Variants in DNM3 observed in about 807,000 individuals in gnomAD.
DNM3 encodes dynamin-3.
DNM3 carries 47 observed loss-of-function variants against 101.6 expected under a neutral mutation model. That is an observed-to-expected ratio of 0.46 (90% CI 0.37 to 0.59). The LOEUF (loss-of-function observed/expected upper bound fraction) is 0.59. Among genes scored for constraint, DNM3 ranks in the 20% least tolerant of loss-of-function variants. The pLI, the probability that DNM3 is intolerant of heterozygous loss-of-function variation, is 0.00. For synonymous variants in DNM3, 385 were observed against 387.9 expected (o/e 0.99, Z 0.09); for missense variants, 849 against 1,085.7 (o/e 0.78, Z 3.06).
rs2069333458 is a variant in DNM3 at position 172,388,569 on chromosome 1, T to C, written c.2286-4T>C. ...AGCAAACTATGATTTCTCTTTTTCC[T>C]CAGGTCACCTCCTCCAAGCCCCACA... On this transcript the variant is annotated splice_polypyrimidine_tract_variant and splice_region_variant and intron_variant, in intron 19 of 20. Coordinates refer to ENST00000627582, the MANE Select transcript of DNM3 (RefSeq NM_015569.5). 6.2e-7 allele frequency: 1 copy of C among 1,612,288 alleles called. No homozygotes were observed. The highest frequency in any genetic ancestry group is 8.5e-7 in the Non-Finnish European group (1 of 1,178,468).
chr1:171,909,437 T>TA lies in DNM3; in HGVS notation c.162-12293dup, dbSNP rs10554706. 2.0e-3 allele frequency among the ~76,000 whole-genome samples: 258 copies of TA among 130,934 alleles called. 1 individual carries two copies. Among genetic ancestry groups the TA allele is most frequent in the East Asian group, 3.0e-3 (14 of 4,744 alleles). 85.9% of individuals were successfully genotyped at this position (130,934 alleles called of 152,430 possible). ...TGGGCAACAGAGTGAGACTCTGTCT[T>TA]AAAAAAAAAAAAAAAAAAGTCAGAG... On this transcript the variant is annotated intron_variant, in intron 1 of 20. Coordinates refer to ENST00000627582, the MANE Select transcript of DNM3 (RefSeq NM_015569.5).
intron 1 of DNM3, among the ~76,000 whole-genome samples, chr1:171,908,609 T>C (rs767668049): frequency 1.3e-5 from 2 of 152,180 alleles, no homozygotes; most frequent in Non-Finnish European, 2.9e-5. Context: ...TGAAGAATAA[T>C]ATTCAATAAT....
intron 11 of DNM3, among the ~76,000 whole-genome samples, chr1:172,078,111 T>G (rs898470397): frequency 2.4e-4 from 36 of 152,136 alleles, no homozygotes; most frequent in African/African-American, 7.5e-4. Flanking sequence ...ATTGTTTTTT[T>G]AGATGGAGTC....
Position 172,232,639 on chromosome 1 carries a change from T to C in DNM3, c.1660-20934T>C, listed in dbSNP as rs149275061. ...CCAAAATCGACCACATAGTTGGAAATAAAGCACTTCTCAGCAAATGTAAAA... is the reference window on the plus strand; with the variant it reads ...CCAAAATCGACCACATAGTTGGAAACAAAGCACTTCTCAGCAAATGTAAAA... On this transcript the variant is annotated intron_variant, in intron 14 of 20. Transcript: ENST00000627582. Among the ~76,000 whole-genome samples, 811 of 152,274 alleles carry C rather than the reference T, an allele frequency of 5.3e-3. 9 individuals are homozygous for C. Among genetic ancestry groups the C allele is most frequent in the African/African-American group, 0.018 (761 of 41,536 alleles).
intron 14 of DNM3, among the ~76,000 whole-genome samples, chr1:172,208,475 A>G (rs2060399382): frequency 6.6e-6 from 1 of 152,052 alleles, no homozygotes; most frequent in African/African-American, 2.4e-5. Flanking sequence ...GGGTTTATCA[A>G]TCAGTTGAAG....
chr1:171,885,586 C>G (rs909369282), intron 1 of DNM3, among the ~76,000 whole-genome samples: 2 of 151,980 alleles, frequency 1.3e-5, no homozygotes, highest in Non-Finnish European at 2.9e-5. Flanking sequence ...TTTTAGAGGG[C>G]CTTGCTGTTT....
At chr1:172,067,159 C>T (rs1443638422) in intron 10 of DNM3, among the ~76,000 whole-genome samples, 2 of 152,088 alleles carry the variant, frequency 1.3e-5, no homozygotes, top group African/African-American at 4.8e-5. Context: ...CTTTTCTTTG[C>T]ATTAGATCAC....
chr1:172,089,753 T>A (rs780211369), intron 12 of DNM3, among the ~76,000 whole-genome samples: 6 of 152,224 alleles, frequency 3.9e-5, no homozygotes, highest in Non-Finnish European at 8.8e-5. Flanking sequence ...AAGTGGTAGA[T>A]CCTAAATATG....
At chr1:172,234,267 C>A (rs1211406915) in intron 14 of DNM3, among the ~76,000 whole-genome samples, 5 of 152,114 alleles carry the variant, frequency 3.3e-5, no homozygotes, top group African/African-American at 7.2e-5. Flanking sequence ...AGCCAAATCA[C>A]GAGTGAACTC....
At chr1:172,098,210 A>T (rs891345159) in intron 13 of DNM3, among the ~76,000 whole-genome samples, 2 of 152,138 alleles carry the variant, frequency 1.3e-5, no homozygotes, top group African/African-American at 4.8e-5. Flanking sequence ...TTTCATCTCT[A>T]CAGCTTCGAC....
chr1:171,866,512 A>G (rs2034761057), intron 1 of DNM3, among the ~76,000 whole-genome samples: 1 of 151,984 alleles, frequency 6.6e-6, no homozygotes, highest in African/African-American at 2.4e-5. Flanking sequence ...CTACATGCCT[A>G]AGGATTGTAC....
At chr1:172,144,728 A>C in intron 14 of DNM3, 1 of 432,174 alleles carries the variant, frequency 2.3e-6, no homozygotes, top group South Asian at 1.8e-5. Flanking sequence ...TCCCCCCTGA[A>C]TTCTGCTGCG....
At chr1:172,021,563 G>C (rs569784424) in intron 4 of DNM3, among the ~76,000 whole-genome samples, 3 of 152,346 alleles carry the variant, frequency 2.0e-5, no homozygotes, top group Admixed American at 6.5e-5. Context: ...AACATAAACT[G>C]TAATGTATGA....
At chr1:171,970,213 T>C (rs982763000) in intron 2 of DNM3, 37 of 584,670 alleles carry the variant, frequency 6.3e-5, no homozygotes, top group Admixed American at 1.3e-4. Context: ...AATAATCCAA[T>C]AACAAACTCA....
At chr1:172,214,598 A>G (rs914437582) in intron 14 of DNM3, among the ~76,000 whole-genome samples, 1 of 152,114 alleles carries the variant, frequency 6.6e-6, no homozygotes, top group African/African-American at 2.4e-5. Flanking sequence ...TATGTTTGGG[A>G]TAAGTCAGAA....
chr1:172,009,043 T>C (rs1319434180), intron 4 of DNM3, among the ~76,000 whole-genome samples: 2 of 138,482 alleles, frequency 1.4e-5, no homozygotes, highest in Non-Finnish European at 3.1e-5. Flanking sequence ...AATATATATT[T>C]ATATATTATA....
At position 172,392,630 on chromosome 1, in the gene DNM3, T is replaced by G. The variant is rs547554768; in HGVS notation, c.2522+3821T>G. On this transcript the variant is annotated intron_variant, in intron 20 of 20. Coordinates refer to ENST00000627582, the MANE Select transcript of DNM3 (RefSeq NM_015569.5). ...AACAAATTCACTGAATCCGAGTGTG[T>G]TTTTCCTGGCAATAATGAACTCTGG... Among the ~76,000 whole-genome samples the G allele has an allele frequency of 2.1e-4, 32 of 152,328 alleles. No homozygotes were observed. The South Asian group carries it at 6.4e-3, about 31-fold the overall frequency.
At chr1:172,044,498 G>A in intron 9 of DNM3, 46 bp downstream of exon 9, 1 of 1,493,136 alleles carries the variant, frequency 6.7e-7, no homozygotes, top group Non-Finnish European at 9.2e-7. Flanking sequence ...GCTACCAAAA[G>A]AAAATTAATG....
intron 16 of DNM3, among the ~76,000 whole-genome samples, chr1:172,319,976 C>T (rs1193317175): frequency 2.0e-5 from 3 of 151,886 alleles, no homozygotes; most frequent in Non-Finnish European, 2.9e-5. Flanking sequence ...AGACTTGGAA[C>T]CAAGCCAAAT....
Sources: allele counts gnomAD v4.1 joint callset (sites outside exome capture counted in the v4.1 genomes callset), GRCh38; gene constraint gnomAD v4.1.1; transcripts MANE v1.5; gene names NCBI Gene and HGNC (gene_info 2026-07-23, HGNC 2026-07-21).